Variants in TBC1D22A observed in about 807,000 individuals in gnomAD.
TBC1D22A encodes the protein putative GTPase activator.
TBC1D22A carries 38 observed loss-of-function variants against 60.2 expected under a neutral mutation model. The observed-to-expected ratio is 0.63, with a 90% CI of 0.49 to 0.83. The LOEUF (loss-of-function observed/expected upper bound fraction) is 0.83, where lower values mean the gene tolerates loss of function less well. Ranked by LOEUF, TBC1D22A falls within the 40% of genes least tolerant of loss-of-function variation. The pLI, the probability that TBC1D22A is intolerant of heterozygous loss-of-function variation, is 0.00. For synonymous variants in TBC1D22A, 302 were observed against 281.7 expected, an observed-to-expected ratio of 1.07 and a Z score of -0.72; for missense variants, 628 against 701.0, an observed-to-expected ratio of 0.90 and a Z score of 1.18.
At chr22:47,030,940 G>A (rs979818707) in intron 10 of TBC1D22A, among the ~76,000 whole-genome samples, 5 of 152,174 alleles carry the variant, frequency 3.3e-5, no homozygotes, top group African/African-American at 9.7e-5. Flanking sequence ...GGCCACGCCC[G>A]CACCCTTCAT....
chr22:47,060,238 C>CTTTTTTTTTTTTT (rs3884803), intron 11 of TBC1D22A, among the ~76,000 whole-genome samples: 5 of 111,648 alleles, frequency 4.5e-5, no homozygotes, highest in African/African-American at 1.8e-4. Context: ...GGGTTTCTGA[C>CTTTTTTTTTTTTT]TTTTTTTTTT....
At chr22:47,018,022 T>G (rs1449621834) in intron 10 of TBC1D22A, among the ~76,000 whole-genome samples, 1 of 152,232 alleles carries the variant, frequency 6.6e-6, no homozygotes, top group Non-Finnish European at 1.5e-5. Context: ...AGAAGTAGTT[T>G]GTAATGGGCA....
intron 8 of TBC1D22A, among the ~76,000 whole-genome samples, chr22:46,935,886 G>A (rs976628404): frequency 8.0e-5 from 12 of 150,768 alleles, no homozygotes; most frequent in Non-Finnish European, 1.6e-4. Context: ...CTGTCGCGCT[G>A]TCTCCTGGCC....
At chr22:46,958,746 T>C (rs1157342461) in intron 8 of TBC1D22A, among the ~76,000 whole-genome samples, 1 of 152,250 alleles carries the variant, frequency 6.6e-6, no homozygotes, top group African/African-American at 2.4e-5. Context: ...AAAAAGTTGC[T>C]GTTCGACCTT....
chr22:46,828,922 G>C (rs1160796709), intron 4 of TBC1D22A, among the ~76,000 whole-genome samples: 1 of 152,116 alleles, frequency 6.6e-6, no homozygotes, highest in African/African-American at 2.4e-5. Context: ...TACTTGAAAC[G>C]ACCTACATGG....
intron 12 of TBC1D22A, among the ~76,000 whole-genome samples, chr22:47,172,009 GTGCCTACCC>G (rs2068486213): frequency 1.1e-5 from 1 of 88,538 alleles, no homozygotes; most frequent in African/African-American, 6.1e-5. Flanking sequence ...TGAGCCCAGT[GTGCCTACCC>G]AGCACTCCCA....
intron 11 of TBC1D22A, among the ~76,000 whole-genome samples, chr22:47,051,965 G>A (rs2063238231): frequency 6.6e-6 from 1 of 152,228 alleles, no homozygotes; most frequent in Non-Finnish European, 1.5e-5. Context: ...ATCTCACAGT[G>A]TTTGCTTTCT....
chr22:46,977,904 C>T (rs951511644), intron 9 of TBC1D22A, among the ~76,000 whole-genome samples: 2 of 152,216 alleles, frequency 1.3e-5, no homozygotes, highest in Non-Finnish European at 1.5e-5. Context: ...AGCCAGGCCA[C>T]GCCTCCAGCA....
intron 11 of TBC1D22A, among the ~76,000 whole-genome samples, chr22:47,040,102 G>C (rs938455645): frequency 6.6e-6 from 1 of 151,850 alleles, no homozygotes; most frequent in African/African-American, 2.4e-5. Flanking sequence ...CCGCCACCAC[G>C]CCCGGCTAAT....
rs201034100 is a variant in TBC1D22A at position 47,162,201 on chromosome 22, G to GC, written c.1426-11297_1426-11296insC. Among the ~76,000 whole-genome samples, 796 of 127,746 alleles carry GC rather than the reference G, an allele frequency of 6.2e-3. 9 individuals are homozygous for GC. The highest frequency in any genetic ancestry group is 0.024 in the South Asian group (108 of 4,450). 83.8% of individuals were successfully genotyped at this position (127,746 alleles called of 152,430 possible). A position where few individuals can be genotyped will look rare whatever the true frequency, so the allele number is the denominator to read the frequency against. On this transcript the variant is annotated intron_variant, in intron 12 of 12. Transcript: ENST00000337137. ...ACCGGGTGTTAGTTTTCATTTGAAA[G>GC]GTTTTTTTTTTTTTTTAAGGTTTTG...
intron 12 of TBC1D22A, among the ~76,000 whole-genome samples, chr22:47,159,050 C>G (rs930168779): frequency 4.1e-5 from 6 of 146,770 alleles, no homozygotes; most frequent in Middle Eastern, 3.5e-3. Flanking sequence ...TACACACACA[C>G]CATGTATACA....
chr22:47,155,948 T>C (rs1014111205), intron 12 of TBC1D22A, among the ~76,000 whole-genome samples: 3 of 152,236 alleles, frequency 2.0e-5, no homozygotes, highest in Non-Finnish European at 4.4e-5. Flanking sequence ...GCAGTTTTCC[T>C]ACCAGGACCT....
chr22:46,782,731 A>G (rs1027708854), intron 1 of TBC1D22A, among the ~76,000 whole-genome samples: 5 of 152,150 alleles, frequency 3.3e-5, no homozygotes, highest in South Asian at 4.1e-4. Flanking sequence ...GTGGAATCAT[A>G]CAGTATGCGG....
intron 11 of TBC1D22A, among the ~76,000 whole-genome samples, chr22:47,077,198 T>C (rs2064262098): frequency 6.6e-6 from 1 of 152,212 alleles, no homozygotes; most frequent in Non-Finnish European, 1.5e-5. Context: ...GCTGGCAGAC[T>C]TGGCCACATC....
At chr22:47,154,147 A>G (rs559323432) in intron 12 of TBC1D22A, among the ~76,000 whole-genome samples, 4 of 152,298 alleles carry the variant, frequency 2.6e-5, no homozygotes, top group African/African-American at 9.6e-5. Context: ...TCTCCAGGCC[A>G]TGACTTCTCC....
intron 12 of TBC1D22A, among the ~76,000 whole-genome samples, chr22:47,136,583 A>G (rs2066880209): frequency 6.6e-6 from 1 of 151,926 alleles, no homozygotes; most frequent in Non-Finnish European, 1.5e-5. Flanking sequence ...GAGGCTGTGG[A>G]CCCAGTTCCT....
intron 12 of TBC1D22A, among the ~76,000 whole-genome samples, chr22:47,136,245 A>G (rs978662443): frequency 6.6e-6 from 1 of 152,104 alleles, no homozygotes; most frequent in South Asian, 2.1e-4. Flanking sequence ...GCCTCCTAGG[A>G]GCAGTGAGGG....
intron 4 of TBC1D22A, among the ~76,000 whole-genome samples, chr22:46,848,233 A>T (rs2087109875): frequency 6.6e-6 from 1 of 152,364 alleles, no homozygotes; most frequent in Non-Finnish European, 1.5e-5. Flanking sequence ...AGGCGGTGTC[A>T]GAAGAGCCCC....
chr22:46,831,746 A>G (rs916615391), intron 4 of TBC1D22A, among the ~76,000 whole-genome samples: 4 of 152,194 alleles, frequency 2.6e-5, no homozygotes, highest in Non-Finnish European at 5.9e-5. Flanking sequence ...ATGCACCTAT[A>G]AATTGGGTTG....
Sources: gnomAD v4.1 joint callset for allele counts (sites outside exome capture counted in the v4.1 genomes callset) on GRCh38, gnomAD v4.1.1 for gene constraint, MANE v1.5 for transcripts, NCBI Gene and HGNC (gene_info 2026-07-23, HGNC 2026-07-21) for gene names.